TSHZ2: variants seen among roughly 807,000 people sequenced by gnomAD.
TSHZ2 encodes the protein teashirt homolog 2.
Under a neutral mutation model 74.4 loss-of-function variants are expected in TSHZ2, and 21 were observed. That is an observed-to-expected ratio of 0.28 (90% confidence interval 0.20 to 0.41). The LOEUF is 0.41. Among genes scored for constraint, TSHZ2 ranks in the 10% least tolerant of loss-of-function variants. The probability of loss-of-function intolerance (pLI) is 1.00; values close to 1 mark genes in which losing one functional copy is unlikely to be tolerated. For synonymous variants in TSHZ2, 540 were observed against 515.3 expected (o/e 1.05, Z -0.65); for missense variants, 1,244 against 1,293.5 (o/e 0.96, Z 0.59).
intron 2 of TSHZ2, among the ~76,000 whole-genome samples, chr20:53,436,975 T>C (rs1206356539): frequency 6.6e-6 from 1 of 152,190 alleles, no homozygotes; most frequent in African/African-American, 2.4e-5. Flanking sequence ...TTCATATGAA[T>C]GTTTTCTATA....
chr20:53,025,878 A>G (rs1983422078), intron 1 of TSHZ2, among the ~76,000 whole-genome samples: 1 of 152,076 alleles, frequency 6.6e-6, no homozygotes, highest in Admixed American at 6.6e-5. Context: ...ACTGCCAGTG[A>G]TACTCTTTCA....
rs550666119 is a variant in TSHZ2, at chr20:53,425,090, A to G, written c.*9-62054A>G. ...CTTTGGGTATATAACTGGTAATGGG[A>G]TTTCTGGGTCAAATGGTATTTCTGG... On this transcript the variant is annotated intron_variant, in intron 2 of 2. Transcript: ENST00000371497. Among the ~76,000 whole-genome samples, 6 of 152,152 alleles carry G rather than the reference A, an allele frequency of 3.9e-5. No individual in the cohort carries two copies. The South Asian group carries it at 1.2e-3, about 32-fold the overall frequency.
chr20:52,972,966 A>C lies in TSHZ2; in HGVS notation c.-328A>C. On this transcript the variant is annotated 5_prime_UTR_variant, in exon 1 of 3. Coordinates refer to ENST00000371497, the MANE Select transcript of TSHZ2 (RefSeq NM_173485.6). Reference sequence around the variant, plus strand: ...GTCACCAAAAAAAAAAAAAACCGCAAAAACAAAACCAAAAAAATTCCAAAA... The same window carrying C: ...GTCACCAAAAAAAAAAAAAACCGCACAAACAAAACCAAAAAAATTCCAAAA... The C allele has an allele frequency of 2.9e-6, 1 of 346,914 alleles. No individual in the cohort carries two copies. The highest frequency in any genetic ancestry group is 5.1e-6 in the Non-Finnish European group (1 of 194,484). The allele number at this position is 346,914 out of a possible 1,614,324, so 21.5% of individuals were successfully genotyped here.
chr20:52,988,094 G>A (rs1185158169), intron 1 of TSHZ2, among the ~76,000 whole-genome samples: 1 of 151,398 alleles, frequency 6.6e-6, no homozygotes, highest in Non-Finnish European at 1.5e-5. Flanking sequence ...TTTCTATGTA[G>A]TACCGGTGAT....
chr20:53,088,256 A>C (rs1985758597), intron 1 of TSHZ2, among the ~76,000 whole-genome samples: 1 of 152,178 alleles, frequency 6.6e-6, no homozygotes, highest in Admixed American at 6.5e-5. Flanking sequence ...ACTGGATTCA[A>C]CTCTGGGAAC....
intron 2 of TSHZ2, among the ~76,000 whole-genome samples, chr20:53,393,413 C>T (rs1383839289): frequency 6.6e-6 from 1 of 152,230 alleles, no homozygotes; most frequent in Admixed American, 6.5e-5. Flanking sequence ...TGCAAGGTGA[C>T]TTAAGCTGTC....
chr20:53,179,758 G>A lies in TSHZ2; in HGVS notation c.41-73741G>A, dbSNP rs188476939. ...TGTAGAGCCTTTGGCATACCCACAC[G>A]TGTATTTTATAAAATTTAAGTTCAA... On this transcript the variant is annotated intron_variant, in intron 1 of 2. Coordinates refer to ENST00000371497, the MANE Select transcript of TSHZ2 (RefSeq NM_173485.6). Among the ~76,000 whole-genome samples the A allele has an allele frequency of 4.0e-3, 603 of 152,262 alleles. 1 individual carries two copies. The highest frequency in any genetic ancestry group is 0.02 in the Middle Eastern group (6 of 294).
chr20:53,422,799 C>T (rs148024981), intron 2 of TSHZ2, among the ~76,000 whole-genome samples: 1 of 152,270 alleles, frequency 6.6e-6, no homozygotes, highest in African/African-American at 2.4e-5. Context: ...ATTCTAATCA[C>T]CCCTGGATAC....
At chr20:53,123,326 G>T (rs1163838219) in intron 1 of TSHZ2, among the ~76,000 whole-genome samples, 2 of 152,180 alleles carry the variant, frequency 1.3e-5, no homozygotes, top group Non-Finnish European at 2.9e-5. Context: ...CTAGAGCTGG[G>T]CTGATCTCAG....
intron 1 of TSHZ2, among the ~76,000 whole-genome samples, chr20:53,222,696 G>A (rs1291898868): frequency 6.6e-6 from 1 of 152,230 alleles, no homozygotes; most frequent in African/African-American, 2.4e-5. Flanking sequence ...TGCTAATGCA[G>A]TGAAGTTAGC....
At chr20:53,309,794 G>A (rs547668530) in intron 2 of TSHZ2, among the ~76,000 whole-genome samples, 1 of 152,182 alleles carries the variant, frequency 6.6e-6, no homozygotes, top group Non-Finnish European at 1.5e-5. Context: ...GGAAAGAGTA[G>A]GAACCCTTCT....
chr20:53,433,622 C>CACACACACAG (rs1274437204), intron 2 of TSHZ2, among the ~76,000 whole-genome samples: 1 of 149,522 alleles, frequency 6.7e-6, no homozygotes, highest in Non-Finnish European at 1.5e-5. Context: ...CACACACACA[C>CACACACACAG]AGAATTTTAT....
At chr20:53,282,837 C>T (rs889023786) in intron 2 of TSHZ2, among the ~76,000 whole-genome samples, 11 of 152,158 alleles carry the variant, frequency 7.2e-5, no homozygotes, top group Admixed American at 4.6e-4. Context: ...TGCTTGCTGT[C>T]GTGAGGAGGC....
intron 2 of TSHZ2, among the ~76,000 whole-genome samples, chr20:53,338,973 T>C (rs1980068291): frequency 6.6e-6 from 1 of 152,230 alleles, no homozygotes; most frequent in Admixed American, 6.5e-5. Context: ...AGCACAGACG[T>C]GTTGGCCAAT....
intron 1 of TSHZ2, among the ~76,000 whole-genome samples, chr20:53,225,097 C>T (rs950833567): frequency 1.2e-4 from 19 of 152,152 alleles, no homozygotes; most frequent in Admixed American, 1.0e-3. Context: ...ATCAGTATGG[C>T]GATGTTCCAA....
At chr20:53,296,216 A>C (rs1347509232) in intron 2 of TSHZ2, among the ~76,000 whole-genome samples, 1 of 152,140 alleles carries the variant, frequency 6.6e-6, no homozygotes, top group Non-Finnish European at 1.5e-5. Flanking sequence ...GAAGTCCAGA[A>C]ATTGATGTCT....
chr20:53,221,818 T>C (rs1008027189), intron 1 of TSHZ2, among the ~76,000 whole-genome samples: 2 of 152,218 alleles, frequency 1.3e-5, no homozygotes, highest in East Asian at 3.9e-4. Context: ...GTTTGCATTA[T>C]GATGAAGCTA....
intron 1 of TSHZ2, among the ~76,000 whole-genome samples, chr20:53,033,479 T>A (rs1326178683): frequency 3.3e-5 from 5 of 152,068 alleles, no homozygotes; most frequent in African/African-American, 9.7e-5. Flanking sequence ...AGTATCTTCA[T>A]CATTAAATTG....
At position 53,489,427 on chromosome 20, in the gene TSHZ2, G is replaced by T; in HGVS notation, c.*2292G>T. On this transcript the variant is annotated 3_prime_UTR_variant, in exon 3 of 3. Transcript: ENST00000371497. ...AGGAAAATCAATGCATTAGTATTGG[G>T]GTTCTCGTAGCTGTTAAAAATTGTC... 1 of 336,376 alleles carries T rather than the reference G, an allele frequency of 3.0e-6. No individual in the cohort carries two copies. The highest frequency in any genetic ancestry group is 5.8e-6 in the Non-Finnish European group (1 of 171,062). 20.8% of individuals were successfully genotyped at this position (336,376 alleles called of 1,614,324 possible).
Sources: allele counts gnomAD v4.1 joint callset (sites outside exome capture counted in the v4.1 genomes callset), GRCh38; gene constraint gnomAD v4.1.1; transcripts MANE v1.5; gene names NCBI Gene and HGNC (gene_info 2026-07-23, HGNC 2026-07-21).